Variants in GRID2 observed in about 807,000 individuals in gnomAD.
GRID2 encodes the protein glutamate receptor ionotropic, delta-2.
In GRID2, 33 loss-of-function variants were observed where a neutral mutation model predicts 114.8. That is an observed-to-expected ratio of 0.29 (90% CI 0.22 to 0.38). The LOEUF (loss-of-function observed/expected upper bound fraction) is 0.38, where lower values mean the gene tolerates loss of function less well. Among genes scored for constraint, GRID2 ranks in the 10% least tolerant of loss-of-function variants. The pLI is 1.00. For missense variants in GRID2, 1,184 were observed against 1,257.7 expected, an observed-to-expected ratio of 0.94 and a Z score of 0.89; for synonymous variants, 505 against 449.9, an observed-to-expected ratio of 1.12 and a Z score of -1.55.
chr4:93,323,221 G>T (rs200425913), intron 8 of GRID2, among the ~76,000 whole-genome samples: 1 of 152,090 alleles, frequency 6.6e-6, no homozygotes, highest in Admixed American at 6.5e-5. Flanking sequence ...ATTAATTATC[G>T]TATAAGGTGT....
chr4:93,216,069 A>G (rs1744172363), intron 5 of GRID2, among the ~76,000 whole-genome samples: 1 of 152,132 alleles, frequency 6.6e-6, no homozygotes, highest in Admixed American at 6.6e-5. Flanking sequence ...TAATTTAGAT[A>G]AAGAGCACTG....
intron 4 of GRID2, among the ~76,000 whole-genome samples, chr4:93,150,753 G>A (rs1263016411): frequency 6.6e-6 from 1 of 151,988 alleles, no homozygotes; most frequent in African/African-American, 2.4e-5. Flanking sequence ...CTGAACCCTG[G>A]ACCTCTGGCT....
rs546091778 is a variant in GRID2 at position 93,147,352 on chromosome 4, A to C, written c.735+36399A>C. On this transcript the variant is annotated intron_variant, in intron 4 of 15. Transcript: ENST00000282020. ...AGAAAAATTACTAATGGATGATCAA[A>C]TATTTTCTCTTTGACCTACATGATA... 5.3e-5 allele frequency among the ~76,000 whole-genome samples: 8 copies of C among 152,296 alleles called. No individual in the cohort carries two copies. The South Asian group carries it at 1.7e-3, about 32-fold the overall frequency.
intron 5 of GRID2, among the ~76,000 whole-genome samples, chr4:93,209,713 C>T (rs991449769): frequency 2.0e-5 from 3 of 152,056 alleles, no homozygotes; most frequent in African/African-American, 7.2e-5. Flanking sequence ...ACACTCCCAC[C>T]ACCAACAATG....
At chr4:93,214,826 T>C (rs1743996334) in intron 5 of GRID2, among the ~76,000 whole-genome samples, 1 of 152,062 alleles carries the variant, frequency 6.6e-6, no homozygotes, top group Admixed American at 6.6e-5. Flanking sequence ...GGAAATTAAA[T>C]GCTGAAATAA....
At chr4:93,361,314 T>G (rs1375372832) in intron 8 of GRID2, among the ~76,000 whole-genome samples, 1 of 152,078 alleles carries the variant, frequency 6.6e-6, no homozygotes, top group Non-Finnish European at 1.5e-5. Flanking sequence ...ACTGAGGTTT[T>G]GGCAACTATA....
intron 2 of GRID2, among the ~76,000 whole-genome samples, chr4:92,748,021 T>C (rs1441127968): frequency 6.6e-6 from 1 of 152,200 alleles, no homozygotes; most frequent in Non-Finnish European, 1.5e-5. Flanking sequence ...TCTCTGTTTC[T>C]TTCTAGGACT....
At chr4:92,568,943 T>C (rs1727479390) in intron 1 of GRID2, among the ~76,000 whole-genome samples, 1 of 152,034 alleles carries the variant, frequency 6.6e-6, no homozygotes, top group African/African-American at 2.4e-5. Flanking sequence ...ATGATGTATA[T>C]GTACCACATT....
rs1462076515 is a variant in GRID2, at chr4:93,623,701, CTTTTG to C, written c.2194-2565_2194-2561del. Among the ~76,000 whole-genome samples the C allele has an allele frequency of 3.3e-5, 5 of 152,202 alleles. No individual in the cohort carries two copies. In the East Asian group the frequency reaches 9.7e-4, roughly 29 times the overall value. ...TTTATATACTTTTAAAAACAGTAAACTTTTGTTCTGTTCCACTGATTTTCTATTCT... is the reference window on the plus strand; with the variant it reads ...TTTATATACTTTTAAAAACAGTAAACTTCTGTTCCACTGATTTTCTATTCT... On this transcript the variant is annotated intron_variant, in intron 13 of 15. Transcript: ENST00000282020.
chr4:93,101,858 C>T (rs1489815755), intron 3 of GRID2, among the ~76,000 whole-genome samples: 1 of 151,964 alleles, frequency 6.6e-6, no homozygotes, highest in Non-Finnish European at 1.5e-5. Context: ...ACTTTTAGTT[C>T]CTATCAATAT....
At chr4:92,634,753 T>TTC (rs1730981022) in intron 2 of GRID2, among the ~76,000 whole-genome samples, 1 of 150,826 alleles carries the variant, frequency 6.6e-6, no homozygotes, top group African/African-American at 2.4e-5. Context: ...TTTTCTTTTT[T>TTC]TTTTTTTTTC....
At chr4:92,448,135 G>T (rs1158121584) in intron 1 of GRID2, among the ~76,000 whole-genome samples, 1 of 61,434 alleles carries the variant, frequency 1.6e-5, no homozygotes, top group Non-Finnish European at 4.1e-5. Flanking sequence ...TTTATTTTAT[G>T]TATGTATGTA....
intron 1 of GRID2, among the ~76,000 whole-genome samples, chr4:92,577,744 G>T (rs999238347): frequency 5.3e-5 from 8 of 152,132 alleles, no homozygotes; most frequent in African/African-American, 1.7e-4. Context: ...TAAAGGAGTT[G>T]AAAATATTAA....
At chr4:93,172,591 CA>C (rs531663849) in intron 4 of GRID2, among the ~76,000 whole-genome samples, 1 of 145,550 alleles carries the variant, frequency 6.9e-6, no homozygotes, top group Non-Finnish European at 1.5e-5. Flanking sequence ...GACTCCATCT[CA>C]AAAAAAAGAA....
chr4:92,773,451 C>A (rs1738630996), intron 2 of GRID2, among the ~76,000 whole-genome samples: 1 of 152,114 alleles, frequency 6.6e-6, no homozygotes, highest in African/African-American at 2.4e-5. Context: ...CAATGATAAA[C>A]AGCTCTATAA....
chr4:93,464,504 T>C (rs1724081210), intron 11 of GRID2, among the ~76,000 whole-genome samples: 1 of 152,184 alleles, frequency 6.6e-6, no homozygotes, highest in Non-Finnish European at 1.5e-5. Context: ...AAAAAAATTG[T>C]TGGTCATAAA....
chr4:93,325,924 G>A (rs73840818), intron 8 of GRID2, among the ~76,000 whole-genome samples: 4,511 of 152,074 alleles, frequency 0.03, 119 homozygotes, highest in African/African-American at 0.075. Context: ...AAGTTGAAGT[G>A]AGTTCTCAAG....
intron 2 of GRID2, among the ~76,000 whole-genome samples, chr4:92,909,602 G>C (rs1487785548): frequency 6.6e-6 from 1 of 151,890 alleles, no homozygotes; most frequent in Admixed American, 6.6e-5. Context: ...TTGGATGATT[G>C]GTCACCATCA....
At chr4:92,528,048 C>T in intron 1 of GRID2, among the ~76,000 whole-genome samples, 1 of 151,796 alleles carries the variant, frequency 6.6e-6, no homozygotes, top group Non-Finnish European at 1.5e-5. Flanking sequence ...TTACAGCTTG[C>T]AAAATATGGA....
Sources: gnomAD v4.1 joint callset for allele counts (sites outside exome capture counted in the v4.1 genomes callset) on GRCh38, gnomAD v4.1.1 for gene constraint, MANE v1.5 for transcripts, NCBI Gene and HGNC (gene_info 2026-07-23, HGNC 2026-07-21) for gene names.